Variants in UNC13B observed in about 807,000 individuals in gnomAD.
UNC13B encodes protein unc-13 homolog B.
A neutral mutation model predicts 211.0 loss-of-function variants in UNC13B; 144 were observed. The observed-to-expected ratio is 0.68, with a 90% CI of 0.60 to 0.78. The LOEUF (loss-of-function observed/expected upper bound fraction) is 0.78, where lower values mean the gene tolerates loss of function less well. Ranked by LOEUF, UNC13B falls within the 30% of genes least tolerant of loss-of-function variation. The probability of loss-of-function intolerance (pLI) is 0.00; values close to 1 mark genes in which losing one functional copy is unlikely to be tolerated. For synonymous variants in UNC13B, 709 were observed against 725.8 expected (o/e 0.98, Z 0.37); for missense variants, 1,777 against 2,002.0 (o/e 0.89, Z 2.14).
intron 1 of UNC13B, among the ~76,000 whole-genome samples, chr9:35,219,860 T>C (rs1587400233): frequency 6.6e-6 from 1 of 152,168 alleles, no homozygotes; most frequent in East Asian, 1.9e-4. Context: ...GTGCATTCCT[T>C]CCTTTTAGGG....
At chr9:35,199,262 T>C (rs908354977) in intron 1 of UNC13B, among the ~76,000 whole-genome samples, 2 of 152,226 alleles carry the variant, frequency 1.3e-5, no homozygotes, top group Non-Finnish European at 2.9e-5. Context: ...TTTAGGTTGG[T>C]TGCAAGTCTT....
intron 11 of UNC13B, among the ~76,000 whole-genome samples, chr9:35,328,661 TTCCTCCC>T (rs1422082529): frequency 1.1e-4 from 12 of 106,912 alleles, no homozygotes; most frequent in African/African-American, 5.6e-4. Context: ...CCTTCCTTCC[TTCCTCCC>T]TCCCTTCCTT....
intron 5 of UNC13B, among the ~76,000 whole-genome samples, chr9:35,240,018 T>C (rs1825721038): frequency 6.6e-6 from 1 of 152,130 alleles, no homozygotes; most frequent in East Asian, 1.9e-4. Flanking sequence ...GATTAAGAGA[T>C]TAAAGTAAAG....
At position 35,301,136 on chromosome 9, in the gene UNC13B, A is replaced by G. The variant is rs1009823361; in HGVS notation, c.1732A>G (p.Ile578Val). 2.8e-5 allele frequency: 11 copies of G among 398,782 alleles called. No homozygotes were observed. Among genetic ancestry groups the G allele is most frequent in the Admixed American group, 1.8e-4 (4 of 22,704 alleles). The allele number at this position is 398,782 out of a possible 1,614,324, so 24.7% of individuals were successfully genotyped here. Residue 578 changes from isoleucine (I) to valine (V), a missense_variant, in exon 9 of 40, where the codon ATT becomes GTT. By Grantham distance (29) the Ile-to-Val change is conservative. Coordinates refer to ENST00000635942, the MANE Select transcript of UNC13B (RefSeq NM_001371189.2). ...KTETLNQIEA[I>V]NLGSKPRAMA... ...AGAAACTCTTAATCAAATAGAGGCA[A>G]TTAATTTGGGATCTAAACCCAGAGC... is the stretch of plus-strand genomic sequence containing the variant.
chr9:35,310,762 T>C lies in UNC13B; in HGVS notation c.9304T>C (p.Phe3102Leu). Residue 3102 changes from phenylalanine to leucine, a missense_variant, in exon 10 of 40, where the codon TTC becomes CTC. Phe to Leu is a conservative substitution (Grantham distance 22). Coordinates refer to ENST00000635942, the MANE Select transcript of UNC13B (RefSeq NM_001371189.2). ...PPDLVLQKDH[F>L]LGPQESFPEE... ...AGATCTGGTGCTGCAAAAAGACCAC[T>C]TCCTAGGTCCCCAGGAGAGGTAGGC... The C allele has an allele frequency of 2.5e-6, 4 of 1,613,638 alleles. No homozygotes were observed. Among genetic ancestry groups the C allele is most frequent in the Non-Finnish European group, 3.4e-6 (4 of 1,179,832 alleles).
intron 1 of UNC13B, among the ~76,000 whole-genome samples, chr9:35,201,917 T>A (rs1171669460): frequency 6.6e-6 from 1 of 152,216 alleles, no homozygotes; most frequent in Non-Finnish European, 1.5e-5. Flanking sequence ...TCTAGTTCTT[T>A]TCATTGTGAC....
At position 35,228,029 on chromosome 9, in the gene UNC13B, T is replaced by C. The variant is rs1824958490; in HGVS notation, c.37T>C (p.Phe13Leu). ...LLCVRVKRAKFQGSPDKFNTY... is the reference protein window; with the variant it reads ...LLCVRVKRAKLQGSPDKFNTY... Reference sequence around the variant, plus strand: ...TTCTCTTGCAGTTAAAAGGGCCAAATTCCAGGGTTCACCAGGTAAGGCCAG... The same window carrying C: ...TTCTCTTGCAGTTAAAAGGGCCAAACTCCAGGGTTCACCAGGTAAGGCCAG... Residue 13 changes from phenylalanine to leucine, a missense_variant, in exon 2 of 40, where the codon TTC becomes CTC. Phe to Leu is a conservative substitution (Grantham distance 22, BLOSUM62 0). Coordinates refer to ENST00000635942, the MANE Select transcript of UNC13B (RefSeq NM_001371189.2). 6.2e-7 allele frequency: 1 copy of C among 1,612,668 alleles called. No individual in the cohort carries two copies. Among genetic ancestry groups the C allele is most frequent in the Non-Finnish European group, 8.5e-7 (1 of 1,179,450 alleles).
At chr9:35,295,587 T>C in intron 7 of UNC13B, 109 bp from the exon 8 acceptor site, 1 of 1,005,274 alleles carries the variant, frequency 9.9e-7, no homozygotes, top group Non-Finnish European at 1.5e-6. Flanking sequence ...AAGCTCAGCT[T>C]GCTTTTGTTC....
chr9:35,305,554 T>G lies in UNC13B; in HGVS notation c.6150T>G (p.Thr2050=). ...GAGTTAGAAGACTGAACAAACAGAC[T>G]ACTATCGATGACAGTAGGTTAGAGG... The part of the protein sequence containing the change: ...KARVRRLNKQ[T]TIDDSRLEES... The change falls in exon 9 of 40, where the codon ACT becomes ACG. Residue 2050 remains threonine (T), a synonymous_variant. Coordinates refer to ENST00000635942, the MANE Select transcript of UNC13B (RefSeq NM_001371189.2). The G allele has an allele frequency of 2.5e-6, 1 of 398,992 alleles. No homozygotes were observed. The highest frequency in any genetic ancestry group is 4.4e-6 in the Non-Finnish European group (1 of 226,016). 24.7% of individuals were successfully genotyped at this position (398,992 alleles called of 1,614,324 possible). A position where few individuals can be genotyped will look rare whatever the true frequency, so the allele number is the denominator to read the frequency against.
chr9:35,234,132 G>T (rs998653535), intron 3 of UNC13B, among the ~76,000 whole-genome samples: 1 of 151,780 alleles, frequency 6.6e-6, no homozygotes, highest in African/African-American at 2.4e-5. Context: ...TCTTTATTTT[G>T]TGGGACAGGG....
At chr9:35,195,807 TC>T (rs1587346325) in intron 1 of UNC13B, among the ~76,000 whole-genome samples, 1 of 152,220 alleles carries the variant, frequency 6.6e-6, no homozygotes. Context: ...TTGTTTTTTT[TC>T]CTCCCCCTCC....
intron 4 of UNC13B, 115 bp from the exon 5 acceptor site, chr9:35,237,588 G>C: frequency 7.5e-7 from 1 of 1,327,282 alleles, no homozygotes. Context: ...GCCTTATCAG[G>C]ATGTGAATGG....
chr9:35,401,236 G>A (rs181419648), intron 37 of UNC13B, among the ~76,000 whole-genome samples: 92 of 152,300 alleles, frequency 6.0e-4, no homozygotes, highest in African/African-American at 2.1e-3. Flanking sequence ...GCATTACTGA[G>A]CTGTGTGTGA....
At chr9:35,379,571 C>A (rs1447863441) in intron 17 of UNC13B, among the ~76,000 whole-genome samples, 1 of 152,142 alleles carries the variant, frequency 6.6e-6, no homozygotes, top group African/African-American at 2.4e-5. Context: ...TGCTTGAATT[C>A]TTCTTATGAC....
At chr9:35,283,657 A>T (rs1293996227) in intron 7 of UNC13B, among the ~76,000 whole-genome samples, 1 of 152,228 alleles carries the variant, frequency 6.6e-6, no homozygotes, top group Non-Finnish European at 1.5e-5. Context: ...TAATAAGGAA[A>T]TAATATAGGA....
At chr9:35,354,892 T>G (rs1416062131) in intron 11 of UNC13B, among the ~76,000 whole-genome samples, 1 of 152,216 alleles carries the variant, frequency 6.6e-6, no homozygotes, top group Non-Finnish European at 1.5e-5. Context: ...CAACACCACT[T>G]ACAGGAATGT....
chr9:35,403,482 T>C lies in UNC13B; in HGVS notation c.12620T>C (p.Phe4207Ser), dbSNP rs1393902713. The change falls in exon 39 of 40, where the codon TTC (phenylalanine) becomes TCC (serine). Residue 4207 changes from phenylalanine (F) to serine (S), a missense_variant. By Grantham distance (155) the Phe-to-Ser change is radical (BLOSUM62 -2). Coordinates refer to ENST00000635942, the MANE Select transcript of UNC13B (RefSeq NM_001371189.2). ...CTCAAGTGGCAGACAGCGGGTATGT[T>C]CCGGCCTTTCGTGGAGGTGACTATG... The part of the protein sequence containing the change: ...NDLKWQTAGM[F>S]RPFVEVTMVG... The C allele has an allele frequency of 6.2e-7, 1 of 1,614,084 alleles. No homozygotes were observed. The highest frequency in any genetic ancestry group is 1.7e-5 in the Admixed American group (1 of 60,024).
In UNC13B at chr9:35,162,308, G is replaced by A; in HGVS notation, c.22+3G>A. On this transcript the variant is annotated splice_donor_region_variant and intron_variant, in intron 1 of 39. Coordinates refer to ENST00000635942, the MANE Select transcript of UNC13B (RefSeq NM_001371189.2). ...CATGTCACTGCTCTGCGTGCGCGGT[G>A]AGTGCGCGGACTGAGGCGGGGAGGC... The A allele has an allele frequency of 6.5e-7, 1 of 1,543,950 alleles. No individual in the cohort carries two copies. Among genetic ancestry groups the A allele is most frequent in the Non-Finnish European group, 8.7e-7 (1 of 1,149,768 alleles).
intron 1 of UNC13B, among the ~76,000 whole-genome samples, chr9:35,218,315 T>G (rs1359570091): frequency 6.6e-6 from 1 of 152,134 alleles, no homozygotes; most frequent in Non-Finnish European, 1.5e-5. Flanking sequence ...TATATTATTA[T>G]GATTATTAAT....
Sources: gnomAD v4.1 joint callset for allele counts (sites outside exome capture counted in the v4.1 genomes callset) on GRCh38, gnomAD v4.1.1 for gene constraint, MANE v1.5 for transcripts, NCBI Gene and HGNC (gene_info 2026-07-23, HGNC 2026-07-21) for gene names.